The following EPB41L2 variants were observed in gnomAD, a reference collection of about 807,000 sequenced individuals.
The protein encoded by EPB41L2 is erythrocyte membrane protein band 4.1 like 2.
In EPB41L2, 43 loss-of-function variants were observed where a neutral mutation model predicts 113.0. The ratio of observed to expected loss-of-function variants is 0.38; its 90% CI spans 0.30 to 0.49. The LOEUF is 0.49. Ranked by LOEUF, EPB41L2 falls within the 20% of genes least tolerant of loss-of-function variation. EPB41L2 has a pLI of 0.95. For synonymous variants in EPB41L2, 442 were observed against 436.7 expected (o/e 1.01, Z -0.15); for missense variants, 1,147 against 1,223.4 (o/e 0.94, Z 0.93).
At chr6:130,948,576 C>G (rs915698516) in intron 3 of EPB41L2, among the ~76,000 whole-genome samples, 1 of 151,936 alleles carries the variant, frequency 6.6e-6, no homozygotes, top group Admixed American at 6.6e-5. Context: ...AATAGAGTCA[C>G]TAATCTCAGT....
At chr6:130,994,681 T>TA (rs1180499160) in intron 1 of EPB41L2, among the ~76,000 whole-genome samples, 5 of 152,228 alleles carry the variant, frequency 3.3e-5, no homozygotes, top group Non-Finnish European at 7.3e-5. Context: ...GTTTATATAT[T>TA]ATACTTAAAC....
intron 4 of EPB41L2, among the ~76,000 whole-genome samples, chr6:130,918,480 G>A (rs900182138): frequency 6.6e-6 from 1 of 152,002 alleles, no homozygotes; most frequent in African/African-American, 2.4e-5. Context: ...TATGGACTTG[G>A]AATTCCATAT....
chr6:131,056,996 A>G (rs934971685), intron 1 of EPB41L2, among the ~76,000 whole-genome samples: 1 of 152,198 alleles, frequency 6.6e-6, no homozygotes, highest in Non-Finnish European at 1.5e-5. Flanking sequence ...AATGAATTCA[A>G]TTGAATGGAA....
intron 4 of EPB41L2, among the ~76,000 whole-genome samples, chr6:130,919,016 T>C (rs532768974): frequency 1.3e-5 from 2 of 152,300 alleles, no homozygotes; most frequent in Admixed American, 6.5e-5. Context: ...CATAAGCAGA[T>C]AGAAATTTTT....
intron 1 of EPB41L2, among the ~76,000 whole-genome samples, chr6:131,024,530 C>A (rs1320535477): frequency 6.6e-6 from 1 of 152,158 alleles, no homozygotes; most frequent in Non-Finnish European, 1.5e-5. Context: ...ACCATATCAA[C>A]CACAAGAGCT....
At chr6:130,846,453 TCTG>T (rs1777070641) in intron 19 of EPB41L2, among the ~76,000 whole-genome samples, 1 of 152,250 alleles carries the variant, frequency 6.6e-6, no homozygotes, top group South Asian at 2.1e-4. Flanking sequence ...TTATGTCCAA[TCTG>T]CTATCACTAA....
intron 1 of EPB41L2, among the ~76,000 whole-genome samples, chr6:131,003,625 G>C (rs1784833470): frequency 6.6e-6 from 1 of 151,996 alleles, no homozygotes; most frequent in Non-Finnish European, 1.5e-5. Flanking sequence ...TCTTGGGAGT[G>C]ACTGAACGCA....
chr6:131,056,131 A>G (rs1404680918), intron 1 of EPB41L2, among the ~76,000 whole-genome samples: 3 of 152,258 alleles, frequency 2.0e-5, no homozygotes. Flanking sequence ...AAGTTAAAAC[A>G]CGATGTTGCT....
At chr6:130,871,258 C>G (rs1327899358) in intron 14 of EPB41L2, among the ~76,000 whole-genome samples, 3 of 152,276 alleles carry the variant, frequency 2.0e-5, no homozygotes, top group South Asian at 2.1e-4. Context: ...TTTTCTCACA[C>G]TTACAAAAAG....
intron 19 of EPB41L2, among the ~76,000 whole-genome samples, chr6:130,845,236 T>C (rs1451295919): frequency 6.6e-6 from 1 of 152,238 alleles, no homozygotes; most frequent in Non-Finnish European, 1.5e-5. Context: ...AAAACTGTTT[T>C]CATTATCATA....
chr6:130,965,193 T>C lies in EPB41L2; in HGVS notation c.-14-8694A>G, dbSNP rs117023067. On this transcript the variant is annotated intron_variant, in intron 1 of 19. Transcript: ENST00000337057. Reference sequence around the variant, plus strand: ...AAGCATATGCACCAGGCACCAGTAATACAGATGAAAGAATCCTGCTCTCAG... The same window carrying C: ...AAGCATATGCACCAGGCACCAGTAACACAGATGAAAGAATCCTGCTCTCAG... 6.6e-4 allele frequency among the ~76,000 whole-genome samples: 100 copies of C among 152,278 alleles called. 1 individual carries two copies. The highest frequency in any genetic ancestry group is 1.2e-3 in the Non-Finnish European group (81 of 68,018).
intron 1 of EPB41L2, among the ~76,000 whole-genome samples, chr6:131,001,873 C>T (rs1784443098): frequency 6.6e-6 from 1 of 152,146 alleles, no homozygotes. Context: ...ATAAAGAAAG[C>T]CGAGAAATGC....
At chr6:130,881,217 T>C (rs1789213200) in intron 12 of EPB41L2, 1 of 152,162 alleles carries the variant, frequency 6.6e-6, no homozygotes, top group East Asian at 1.9e-4. Context: ...TTAACCTTTA[T>C]AGGTTAATTC....
chr6:131,056,680 C>A (rs921842366), intron 1 of EPB41L2, among the ~76,000 whole-genome samples: 1 of 152,186 alleles, frequency 6.6e-6, no homozygotes, highest in Non-Finnish European at 1.5e-5. Context: ...CTCTATGAAG[C>A]ATTTTATAAG....
intron 5 of EPB41L2, among the ~76,000 whole-genome samples, chr6:130,906,804 G>A (rs1797863418): frequency 6.6e-6 from 1 of 152,084 alleles, no homozygotes; most frequent in Admixed American, 6.6e-5. Flanking sequence ...TTTTAATACA[G>A]AAAGAAAGAG....
intron 8 of EPB41L2, among the ~76,000 whole-genome samples, chr6:130,896,450 G>A (rs988348028): frequency 6.6e-6 from 1 of 152,320 alleles, no homozygotes; most frequent in Admixed American, 6.5e-5. Flanking sequence ...TGGCCACCGG[G>A]AGCAAGGCAG....
At chr6:131,014,544 C>T (rs1787758687) in intron 1 of EPB41L2, among the ~76,000 whole-genome samples, 2 of 152,188 alleles carry the variant, frequency 1.3e-5, no homozygotes, top group South Asian at 2.1e-4. Flanking sequence ...CCAAGCTCCA[C>T]AATTCATAGA....
At chr6:130,998,170 C>A in intron 1 of EPB41L2, among the ~76,000 whole-genome samples, 1 of 152,292 alleles carries the variant, frequency 6.6e-6, no homozygotes, top group South Asian at 2.1e-4. Flanking sequence ...CATAGCTCAG[C>A]ATCAGACAGA....
intron 18 of EPB41L2, among the ~76,000 whole-genome samples, chr6:130,862,513 T>C (rs777718804): frequency 5.3e-5 from 8 of 152,320 alleles, no homozygotes; most frequent in Admixed American, 1.3e-4. Context: ...TCTGGAAAAC[T>C]GGAGGCTTGT....
Sources: gnomAD v4.1 joint callset for allele counts (sites outside exome capture counted in the v4.1 genomes callset) on GRCh38, gnomAD v4.1.1 for gene constraint, MANE v1.5 for transcripts, NCBI Gene and HGNC (gene_info 2026-07-23, HGNC 2026-07-21) for gene names.